The following RPAP3 variants were observed in gnomAD, a reference collection of about 807,000 sequenced individuals.
RPAP3 encodes the protein RNA polymerase II-associated protein 3.
Under a neutral mutation model 88.8 loss-of-function variants are expected in RPAP3, and 58 were observed. That is an observed-to-expected ratio of 0.65 (90% confidence interval 0.53 to 0.81). The LOEUF is 0.81. Ranked by LOEUF, RPAP3 falls within the 40% of genes least tolerant of loss-of-function variation. RPAP3 has a pLI of 0.00. For synonymous variants in RPAP3, 255 were observed against 259.9 expected, an observed-to-expected ratio of 0.98 and a Z score of 0.18; for missense variants, 751 against 764.3, an observed-to-expected ratio of 0.98 and a Z score of 0.20.
intron 5 of RPAP3, among the ~76,000 whole-genome samples, chr12:47,692,814 TTAAAG>T (rs1939452910): frequency 6.6e-6 from 1 of 152,212 alleles, no homozygotes; most frequent in Admixed American, 6.5e-5. Flanking sequence ...AGCTTCCAAT[TTAAAG>T]TAAGAGATCT....
chr12:47,689,329 T>C, intron 6 of RPAP3, 134 bp from the exon 7 acceptor site: 1 of 510,938 alleles, frequency 2.0e-6, no homozygotes, highest in Non-Finnish European at 3.4e-6. Context: ...AAAGAAATAC[T>C]ATCATTAGGC....
intron 12 of RPAP3, among the ~76,000 whole-genome samples, chr12:47,673,245 C>G (rs1592470447): frequency 6.6e-6 from 1 of 151,856 alleles, no homozygotes; most frequent in African/African-American, 2.4e-5. Flanking sequence ...GAGTTCGAGA[C>G]CAGTCTGGCC....
chr12:47,701,290 T>C, intron 3 of RPAP3, 174 bp downstream of exon 3: 1 of 410,100 alleles, frequency 2.4e-6, no homozygotes, highest in Non-Finnish European at 4.2e-6. Context: ...GAAAAAAAAA[T>C]TATCTCATTA....
intron 12 of RPAP3, among the ~76,000 whole-genome samples, chr12:47,676,776 G>A (rs1181159349): frequency 1.3e-5 from 2 of 152,120 alleles, no homozygotes; most frequent in African/African-American, 4.8e-5. Flanking sequence ...ACAAGTCCAG[G>A]ACCAGACGGA....
At chr12:47,672,158 T>C (rs979970758) in intron 12 of RPAP3, among the ~76,000 whole-genome samples, 3 of 152,158 alleles carry the variant, frequency 2.0e-5, no homozygotes, top group African/African-American at 7.2e-5. Context: ...CTTTCACTTA[T>C]TACCACTCTC....
intron 16 of RPAP3, among the ~76,000 whole-genome samples, chr12:47,666,673 G>T (rs1323948353): frequency 2.6e-5 from 4 of 152,148 alleles, no homozygotes; most frequent in Non-Finnish European, 2.9e-5. Context: ...CCTAGGTCTG[G>T]CTTCCTAGCT....
At chr12:47,670,058 G>T (rs1263052834) in intron 13 of RPAP3, 49 bp downstream of exon 13, 3 of 1,192,736 alleles carry the variant, frequency 2.5e-6, no homozygotes, top group Non-Finnish European at 3.7e-6. Flanking sequence ...ATTCTCCATT[G>T]GAATTAACCC....
At chr12:47,667,691 C>T in intron 15 of RPAP3, 63 bp downstream of exon 15, 1 of 894,366 alleles carries the variant, frequency 1.1e-6, no homozygotes, top group Non-Finnish European at 1.7e-6. Context: ...ATTGCAGTTT[C>T]CAAAAACCTA....
At chr12:47,671,924 T>A (rs947301833) in intron 12 of RPAP3, among the ~76,000 whole-genome samples, 2 of 152,034 alleles carry the variant, frequency 1.3e-5, no homozygotes, top group Non-Finnish European at 2.9e-5. Context: ...AAAGGTTCAA[T>A]TCACTCCTTT....
intron 16 of RPAP3, chr12:47,664,638 C>T (rs1938830189): frequency 6.6e-6 from 1 of 152,182 alleles, no homozygotes; most frequent in Admixed American, 6.5e-5. Flanking sequence ...TTTAACTTAG[C>T]AGACAGTGGA....
At chr12:47,681,229 TAAGGCCAGGAC>T (rs1939216547) in intron 10 of RPAP3, among the ~76,000 whole-genome samples, 5 of 152,162 alleles carry the variant, frequency 3.3e-5, no homozygotes. Context: ...ATTACTGCCT[TAAGGCCAGGAC>T]AAGGAGACAG....
At chr12:47,672,934 G>A (rs1592470310) in intron 12 of RPAP3, among the ~76,000 whole-genome samples, 1 of 152,000 alleles carries the variant, frequency 6.6e-6, no homozygotes, top group Non-Finnish European at 1.5e-5. Flanking sequence ...TTATAATTAT[G>A]GACAGTGACG....
In RPAP3 at chr12:47,687,895, G is replaced by A; in HGVS notation, c.845C>T (p.Ala282Val). 2 of 1,612,776 alleles carry A rather than the reference G, an allele frequency of 1.2e-6. No individual in the cohort carries two copies. Among genetic ancestry groups the A allele is most frequent in the East Asian group, 2.2e-5 (1 of 44,724 alleles). ...GATTACCCGATCTTTCTCTGAAATG[G>A]CCTGCTGCTTATTCTGTTGTGCTTC... ...QIEAQQNKQQ[A>V]ISEKDRGNGF... Residue 282 changes from alanine to valine, a missense_variant, in exon 8 of 17, where the codon GCC becomes GTC. Ala to Val is a moderately conservative substitution (Grantham distance 64). Transcript: ENST00000005386.
chr12:47,679,425 G>A (rs946132498), intron 12 of RPAP3, 68 bp downstream of exon 12: 1 of 1,010,640 alleles, frequency 9.9e-7, no homozygotes, highest in Non-Finnish European at 1.5e-6. Flanking sequence ...TAATACAATA[G>A]TTGGTTTCCA....
chr12:47,693,258 G>A (rs1165894270), intron 5 of RPAP3, among the ~76,000 whole-genome samples: 1 of 152,140 alleles, frequency 6.6e-6, no homozygotes, highest in Admixed American at 6.5e-5. Flanking sequence ...GAGAAGGAGA[G>A]AGATGGGGGG....
intron 12 of RPAP3, among the ~76,000 whole-genome samples, chr12:47,676,214 C>T (rs187393555): frequency 4.6e-5 from 7 of 152,304 alleles, no homozygotes; most frequent in African/African-American, 9.6e-5. Context: ...AAAGACACAA[C>T]GTACCAGAAT....
chr12:47,696,796 T>A (rs1257846886), intron 4 of RPAP3, among the ~76,000 whole-genome samples: 4 of 152,378 alleles, frequency 2.6e-5, no homozygotes, highest in African/African-American at 4.8e-5. Flanking sequence ...ATATAACGCA[T>A]AAAATTTGTG....
intron 7 of RPAP3, among the ~76,000 whole-genome samples, chr12:47,688,756 T>C (rs1939373075): frequency 6.6e-6 from 1 of 152,222 alleles, no homozygotes; most frequent in Non-Finnish European, 1.5e-5. Flanking sequence ...TTATGTGCAA[T>C]AGTAGTGGTA....
In RPAP3 at chr12:47,700,358, T is replaced by C. The variant is rs528076358; in HGVS notation, c.294+1106A>G. 9.1e-4 allele frequency among the ~76,000 whole-genome samples: 138 copies of C among 152,308 alleles called. 2 individuals are homozygous for C. The highest frequency in any genetic ancestry group is 3.1e-3 in the African/African-American group (130 of 41,554). Reference sequence around the variant, plus strand: ...GAGCATACCAGTAGCTTCAATAATATTGGAAAAATTCTCTTTAAGTTAGAT... The same window carrying C: ...GAGCATACCAGTAGCTTCAATAATACTGGAAAAATTCTCTTTAAGTTAGAT... On this transcript the variant is annotated intron_variant, in intron 3 of 16. Coordinates refer to ENST00000005386, the MANE Select transcript of RPAP3 (RefSeq NM_024604.3).
Sources: gnomAD v4.1 joint callset for allele counts (sites outside exome capture counted in the v4.1 genomes callset) on GRCh38, gnomAD v4.1.1 for gene constraint, MANE v1.5 for transcripts, NCBI Gene and HGNC (gene_info 2026-07-23, HGNC 2026-07-21) for gene names.